COL5A1: variants seen among roughly 807,000 people sequenced by gnomAD.
The protein encoded by COL5A1 is collagen alpha-1(V) chain.
Under a neutral mutation model 263.7 loss-of-function variants are expected in COL5A1, and 16 were observed. The observed-to-expected ratio is 0.06, with a 90% CI of 0.04 to 0.09. COL5A1 has a LOEUF of 0.09. Among genes scored for constraint, COL5A1 ranks in the 10% least tolerant of loss-of-function variants. The probability of loss-of-function intolerance (pLI) is 1.00; values close to 1 mark genes in which losing one functional copy is unlikely to be tolerated. For synonymous variants in COL5A1, 1,012 were observed against 1,004.5 expected (o/e 1.01, Z -0.14); for missense variants, 2,036 against 2,540.5 (o/e 0.80, Z 4.27).
In COL5A1 at chr9:134,842,624, T is replaced by A; in HGVS notation, c.*321T>A. The stretch of plus-strand genomic sequence containing the variant: ...GCCCCCCAGCTCGCCCGACCCATCC[T>A]GTTCGTGAATAGGTCTCAGGGGTTG... On this transcript the variant is annotated 3_prime_UTR_variant, in exon 66 of 66. Coordinates refer to ENST00000371817, the MANE Select transcript of COL5A1 (RefSeq NM_000093.5). This position sits in a 1 kb window ranked among gnomAD's most constrained non-coding sequence, Gnocchi z 5.8. 2.0e-6 allele frequency: 1 copy of A among 493,256 alleles called. No homozygotes were observed. Among genetic ancestry groups the A allele is most frequent in the Non-Finnish European group, 3.7e-6 (1 of 272,472 alleles). The allele number at this position is 493,256 out of a possible 1,614,324, so 30.6% of individuals were successfully genotyped here. A position where few individuals can be genotyped will look rare whatever the true frequency, so the allele number is the denominator to read the frequency against.
intron 28 of COL5A1, among the ~76,000 whole-genome samples, chr9:134,781,018 C>T (rs1012265394): frequency 2.6e-5 from 4 of 152,374 alleles, no homozygotes; most frequent in South Asian, 4.1e-4. Flanking sequence ...CGGCGGCCTG[C>T]GGGGCTGGAG....
intron 2 of COL5A1, among the ~76,000 whole-genome samples, chr9:134,697,112 A>C (rs1833507135): frequency 6.6e-6 from 1 of 151,574 alleles, no homozygotes. Context: ...TCCGGAGCCC[A>C]CCCCTCAACT....
At chr9:134,812,534 G>T (rs758358834) in intron 47 of COL5A1, 32 bp downstream of exon 47, 1 of 1,613,328 alleles carries the variant, frequency 6.2e-7, no homozygotes, top group Non-Finnish European at 8.5e-7. Context: ...AGGCCTTGCC[G>T]TACTAGCGGC....
chr9:134,730,125 C>T, intron 6 of COL5A1, 111 bp from the exon 7 acceptor site: 1 of 1,495,554 alleles, frequency 6.7e-7, no homozygotes, highest in Non-Finnish European at 9.2e-7. Flanking sequence ...CAGGCCTGGG[C>T]TCCAGGCGTT....
chr9:134,666,365 G>A (rs1440757850), intron 1 of COL5A1, among the ~76,000 whole-genome samples: 5 of 150,066 alleles, frequency 3.3e-5, no homozygotes, highest in Admixed American at 6.6e-5. Flanking sequence ...GGCTCCTGGG[G>A]CCATTCTGCT....
chr9:134,684,755 G>A (rs117559906), intron 1 of COL5A1, among the ~76,000 whole-genome samples: 1,636 of 152,328 alleles, frequency 0.011, 18 homozygotes, highest in Non-Finnish European at 0.017. Flanking sequence ...TCCTAGCATG[G>A]TTAGTGGAGG....
intron 65 of COL5A1, among the ~76,000 whole-genome samples, chr9:134,837,431 T>C (rs1375211951): frequency 2.0e-5 from 3 of 152,100 alleles, no homozygotes. Flanking sequence ...CTAATCTGGC[T>C]AAGAGAGGCT....
chr9:134,780,705 T>C (rs1837219772), intron 28 of COL5A1, among the ~76,000 whole-genome samples: 1 of 152,224 alleles, frequency 6.6e-6, no homozygotes, highest in Non-Finnish European at 1.5e-5. Flanking sequence ...CCCCCATGCA[T>C]GCCTGCCAGA....
chr9:134,655,194 T>G (rs1564368632), intron 1 of COL5A1, among the ~76,000 whole-genome samples: 1 of 149,672 alleles, frequency 6.7e-6, no homozygotes, highest in Non-Finnish European at 1.5e-5. Flanking sequence ...AGGGCTGGGG[T>G]TGTGTTGGGC....
intron 44 of COL5A1, chr9:134,810,572 T>A (rs2132842165): frequency 2.0e-6 from 1 of 498,406 alleles, no homozygotes; most frequent in Non-Finnish European, 3.6e-6. Context: ...GTTTCTGTCC[T>A]AGAGGGCTTG....
chr9:134,668,493 G>C (rs537936551), intron 1 of COL5A1, among the ~76,000 whole-genome samples: 205 of 152,080 alleles, frequency 1.3e-3, no homozygotes, highest in African/African-American at 4.8e-3. Context: ...CAAGAAATTG[G>C]GTGCCTTAAA....
intron 25 of COL5A1, among the ~76,000 whole-genome samples, chr9:134,771,161 C>T (rs749677479): frequency 2.9e-4 from 44 of 152,384 alleles, no homozygotes; most frequent in Admixed American, 1.2e-3. Context: ...CTGGGGGCTT[C>T]CTCGAGCAGC....
At chr9:134,735,252 G>A (rs1311666102) in intron 9 of COL5A1, among the ~76,000 whole-genome samples, 3 of 151,468 alleles carry the variant, frequency 2.0e-5, no homozygotes, top group Non-Finnish European at 4.4e-5. Flanking sequence ...TGTGCAGCAT[G>A]TTTGATAGAG....
chr9:134,719,538 C>T (rs1375487020), intron 4 of COL5A1, among the ~76,000 whole-genome samples: 6 of 152,208 alleles, frequency 3.9e-5, no homozygotes, highest in Non-Finnish European at 7.4e-5. Flanking sequence ...GCTGGGCTTC[C>T]CTGCGTCCAG....
At chr9:134,724,856 A>G (rs1352831771) in intron 4 of COL5A1, among the ~76,000 whole-genome samples, 5 of 151,870 alleles carry the variant, frequency 3.3e-5, no homozygotes, top group African/African-American at 1.2e-4. Flanking sequence ...GAAGGTTCCG[A>G]TGAACCAGGC....
intron 63 of COL5A1, among the ~76,000 whole-genome samples, chr9:134,826,294 G>A (rs12237053): frequency 0.21 from 32,682 of 152,166 alleles, 4,759 homozygotes; most frequent in African/African-American, 0.41. Context: ...GACATCTTCC[G>A]GAAGCTGCCC....
intron 4 of COL5A1, among the ~76,000 whole-genome samples, chr9:134,721,724 G>A (rs917129447): frequency 3.9e-5 from 6 of 152,234 alleles, no homozygotes; most frequent in Admixed American, 1.3e-4. Context: ...GCGCTAGCTC[G>A]TGCAGCCATG....
intron 4 of COL5A1, among the ~76,000 whole-genome samples, chr9:134,705,981 C>A (rs1045317005): frequency 9.9e-5 from 15 of 152,242 alleles, no homozygotes; most frequent in African/African-American, 3.6e-4. Flanking sequence ...CCTGCACCTG[C>A]CATCACAGCA....
chr9:134,823,285 C>T, intron 60 of COL5A1, 131 bp from the exon 61 acceptor site: 1 of 1,085,434 alleles, frequency 9.2e-7, no homozygotes, highest in Non-Finnish European at 1.4e-6. Context: ...CTCTGCCATT[C>T]TCTTCTCTGC....
Sources: allele counts gnomAD v4.1 joint callset (sites outside exome capture counted in the v4.1 genomes callset), GRCh38; gene constraint gnomAD v4.1.1; non-coding constraint Gnocchi (gnomAD v3.1); transcripts MANE v1.5; gene names NCBI Gene and HGNC (gene_info 2026-07-23, HGNC 2026-07-21).